KCNH8: variants seen among roughly 807,000 people sequenced by gnomAD.
The protein encoded by KCNH8 is voltage-gated delayed rectifier potassium channel KCNH8.
KCNH8 carries 70 observed loss-of-function variants against 103.6 expected under a neutral mutation model. The ratio of observed to expected loss-of-function variants is 0.68; its 90% confidence interval spans 0.56 to 0.82. The LOEUF is 0.82. Ranked by LOEUF, KCNH8 falls within the 40% of genes least tolerant of loss-of-function variation. The pLI is 0.00. For missense variants in KCNH8, 1,217 were observed against 1,329.9 expected (o/e 0.92, Z 1.32); for synonymous variants, 498 against 489.4 (o/e 1.02, Z -0.23).
At chr3:19,514,689 A>G (rs1352967563) in intron 13 of KCNH8, among the ~76,000 whole-genome samples, 1 of 151,802 alleles carries the variant, frequency 6.6e-6, no homozygotes, top group Admixed American at 6.6e-5. Context: ...ACTGATTTAA[A>G]TATAATTATT....
intron 1 of KCNH8, among the ~76,000 whole-genome samples, chr3:19,206,417 G>A (rs1408054856): frequency 6.6e-6 from 1 of 151,772 alleles, no homozygotes; most frequent in Non-Finnish European, 1.5e-5. Context: ...ATTCTGGGCA[G>A]TAGATGAACT....
chr3:19,224,686 A>C (rs2063910397), intron 1 of KCNH8, among the ~76,000 whole-genome samples: 1 of 151,864 alleles, frequency 6.6e-6, no homozygotes, highest in Non-Finnish European at 1.5e-5. Flanking sequence ...GATTACAGGC[A>C]TGAGCCACCT....
At chr3:19,450,860 C>G in intron 9 of KCNH8, 1 of 352,984 alleles carries the variant, frequency 2.8e-6, no homozygotes, top group South Asian at 3.3e-5. Flanking sequence ...ATCTTCTGTC[C>G]TGACTAGGAC....
chr3:19,504,979 A>ATG, intron 11 of KCNH8, among the ~76,000 whole-genome samples: 2 of 151,302 alleles, frequency 1.3e-5, no homozygotes, highest in South Asian at 4.2e-4. Context: ...ATATATATAT[A>ATG]TATACACATA....
intron 3 of KCNH8, among the ~76,000 whole-genome samples, chr3:19,299,247 A>G (rs184559163): frequency 2.1e-3 from 317 of 152,288 alleles, no homozygotes; most frequent in Admixed American, 5.6e-3. Flanking sequence ...TAAGTTTGGA[A>G]TTCATAATGC....
At chr3:19,277,798 A>T (rs1055878042) in intron 2 of KCNH8, among the ~76,000 whole-genome samples, 5 of 152,260 alleles carry the variant, frequency 3.3e-5, no homozygotes, top group Middle Eastern at 6.8e-3. Context: ...GTATTTATCC[A>T]TAGAAATTAA....
At chr3:19,331,492 C>T (rs1009929666) in intron 3 of KCNH8, among the ~76,000 whole-genome samples, 2 of 152,048 alleles carry the variant, frequency 1.3e-5, no homozygotes, top group East Asian at 1.9e-4. Context: ...GAGGTTTCAC[C>T]ATCTTGGCCA....
chr3:19,459,195 T>A (rs937765200), intron 11 of KCNH8, among the ~76,000 whole-genome samples: 15 of 152,056 alleles, frequency 9.9e-5, no homozygotes, highest in Non-Finnish European at 1.9e-4. Flanking sequence ...ATAGTGGCTA[T>A]AATGATTTAC....
At chr3:19,450,981 T>C in intron 9 of KCNH8, 174 bp from the exon 10 acceptor site, 2 of 646,014 alleles carry the variant, frequency 3.1e-6, no homozygotes, top group South Asian at 1.8e-5. Flanking sequence ...TAGCACATAA[T>C]TCACAGTCAC....
intron 3 of KCNH8, among the ~76,000 whole-genome samples, chr3:19,333,412 T>G (rs1175844858): frequency 2.0e-5 from 3 of 152,198 alleles, no homozygotes; most frequent in Non-Finnish European, 4.4e-5. Flanking sequence ...GAATTGCAAA[T>G]GCATGGTAAG....
rs1374030055 is a variant in KCNH8, at chr3:19,479,486, CTCT to C, written c.2040+22509_2040+22511del. 1.2e-4 allele frequency among the ~76,000 whole-genome samples: 19 copies of C among 152,280 alleles called. No individual in the cohort carries two copies. In the South Asian group the frequency reaches 2.3e-3, roughly 18 times the overall value. ...GGGTTTCAGGCCATCCTCAAAAAAT[CTCT>C]TCTTTAGATTAGATGGTGGTGAAAT... On this transcript the variant is annotated intron_variant, in intron 11 of 15. Coordinates refer to ENST00000328405, the MANE Select transcript of KCNH8 (RefSeq NM_144633.3).
chr3:19,402,191 T>G (rs2066622797), intron 7 of KCNH8, among the ~76,000 whole-genome samples: 1 of 151,964 alleles, frequency 6.6e-6, no homozygotes, highest in South Asian at 2.1e-4. Flanking sequence ...TTGCATAAAT[T>G]TATTTTCTAT....
chr3:19,525,567 A>T (rs1463148634), intron 15 of KCNH8, among the ~76,000 whole-genome samples: 1 of 151,960 alleles, frequency 6.6e-6, no homozygotes, highest in African/African-American at 2.4e-5. Flanking sequence ...CAAAGGGTTG[A>T]TAAATAATAG....
At chr3:19,211,788 T>C (rs2063774180) in intron 1 of KCNH8, among the ~76,000 whole-genome samples, 1 of 152,198 alleles carries the variant, frequency 6.6e-6, no homozygotes, top group African/African-American at 2.4e-5. Flanking sequence ...AAAGTCATGC[T>C]GGATTTCCAT....
At chr3:19,423,822 G>T (rs1043102545) in intron 7 of KCNH8, among the ~76,000 whole-genome samples, 1 of 152,058 alleles carries the variant, frequency 6.6e-6, no homozygotes, top group Non-Finnish European at 1.5e-5. Context: ...TGGATCAAAT[G>T]GTAGTTCTAC....
At chr3:19,243,731 C>T (rs2125246599) in intron 1 of KCNH8, among the ~76,000 whole-genome samples, 1 of 152,274 alleles carries the variant, frequency 6.6e-6, no homozygotes, top group East Asian at 1.9e-4. Flanking sequence ...ACGACTAAAA[C>T]ATGACTGAAT....
At chr3:19,161,618 G>T (rs1433800206) in intron 1 of KCNH8, among the ~76,000 whole-genome samples, 2 of 152,084 alleles carry the variant, frequency 1.3e-5, no homozygotes, top group African/African-American at 2.4e-5. Flanking sequence ...CGTTCTGTAG[G>T]TGAATTATAT....
At chr3:19,234,208 C>T (rs2064031604) in intron 1 of KCNH8, among the ~76,000 whole-genome samples, 1 of 152,234 alleles carries the variant, frequency 6.6e-6, no homozygotes, top group South Asian at 2.1e-4. Context: ...GACTCAGGAG[C>T]CCAGCTGGCT....
intron 6 of KCNH8, among the ~76,000 whole-genome samples, chr3:19,394,161 A>C (rs186607965): frequency 6.6e-6 from 1 of 152,020 alleles, no homozygotes; most frequent in South Asian, 2.1e-4. Flanking sequence ...GCTTTCCCCA[A>C]AGAAATTAAA....
Sources: allele counts gnomAD v4.1 joint callset (sites outside exome capture counted in the v4.1 genomes callset), GRCh38; gene constraint gnomAD v4.1.1; transcripts MANE v1.5; gene names NCBI Gene and HGNC (gene_info 2026-07-23, HGNC 2026-07-21).